The following PALM2AKAP2 variants were observed in gnomAD, a reference collection of about 807,000 sequenced individuals.
The protein encoded by PALM2AKAP2 is PALM2 and AKAP2 fusion.
In PALM2AKAP2, 37 loss-of-function variants were observed where a neutral mutation model predicts 71.5. The observed-to-expected ratio is 0.52, with a 90% CI of 0.40 to 0.68. The LOEUF (loss-of-function observed/expected upper bound fraction) is 0.68, where lower values mean the gene tolerates loss of function less well. PALM2AKAP2 is among the 30% of genes least tolerant of loss of function. The pLI is 0.00. For synonymous variants in PALM2AKAP2, 468 were observed against 478.8 expected, an observed-to-expected ratio of 0.98 and a Z score of 0.29; for missense variants, 1,224 against 1,191.8, an observed-to-expected ratio of 1.03 and a Z score of -0.40.
intron 7 of PALM2AKAP2, among the ~76,000 whole-genome samples, chr9:110,026,554 A>G (rs753139801): frequency 1.3e-5 from 2 of 152,120 alleles, no homozygotes; most frequent in Non-Finnish European, 2.9e-5. Context: ...TTCTGTAACC[A>G]TCATCGTCAT....
chr9:109,968,556 G>C lies in PALM2AKAP2; in HGVS notation c.496+36528G>C, dbSNP rs556112037. ...GTCCCTGTCTCTGGCCACTCTGTTGGGTTTCATTGCACCCTACAAAGGGAG... is the reference window on the plus strand; with the variant it reads ...GTCCCTGTCTCTGGCCACTCTGTTGCGTTTCATTGCACCCTACAAAGGGAG... On this transcript the variant is annotated intron_variant, in intron 6 of 9. Coordinates refer to the PALM2AKAP2 transcript ENST00000302798. Among the ~76,000 whole-genome samples, 5 of 152,202 alleles carry C rather than the reference G, an allele frequency of 3.3e-5. No homozygotes were observed. The East Asian group carries it at 9.7e-4, about 29-fold the overall frequency.
At chr9:110,164,249 A>G (rs527401495) in intron 3 of PALM2AKAP2, among the ~76,000 whole-genome samples, 1 of 152,272 alleles carries the variant, frequency 6.6e-6, no homozygotes, top group East Asian at 1.9e-4. Context: ...AGTTGGGCCC[A>G]CTCTGTCTTC....
intron 6 of PALM2AKAP2, among the ~76,000 whole-genome samples, chr9:110,004,497 A>C (rs1588053958): frequency 6.6e-6 from 1 of 152,144 alleles, no homozygotes; most frequent in East Asian, 1.9e-4. Flanking sequence ...TGAATCTGAC[A>C]ATTATGTGTC....
chr9:110,104,665 G>T (rs1337525350), intron 1 of PALM2AKAP2, among the ~76,000 whole-genome samples: 1 of 152,188 alleles, frequency 6.6e-6, no homozygotes, highest in East Asian at 1.9e-4. Context: ...CACAGATGTG[G>T]AATGAAACCA....
chr9:110,006,158 A>G (rs902460743), intron 6 of PALM2AKAP2, among the ~76,000 whole-genome samples: 7 of 151,870 alleles, frequency 4.6e-5, no homozygotes, highest in Non-Finnish European at 8.8e-5. Flanking sequence ...CTATTCGGCC[A>G]TCTTGGCTCC....
At chr9:109,703,984 T>C (rs993122659) in intron 1 of PALM2AKAP2, among the ~76,000 whole-genome samples, 3 of 152,198 alleles carry the variant, frequency 2.0e-5, no homozygotes, top group African/African-American at 7.2e-5. Flanking sequence ...CAGTCCACAC[T>C]GGTCACTTTT....
At chr9:109,964,251 C>T (rs1831903648) in intron 6 of PALM2AKAP2, among the ~76,000 whole-genome samples, 1 of 152,258 alleles carries the variant, frequency 6.6e-6, no homozygotes, top group Non-Finnish European at 1.5e-5. Context: ...AGCTGTGTCT[C>T]TCATGGACAT....
At chr9:109,825,276 A>G (rs941139830) in intron 1 of PALM2AKAP2, among the ~76,000 whole-genome samples, 1 of 152,246 alleles carries the variant, frequency 6.6e-6, no homozygotes, top group African/African-American at 2.4e-5. Context: ...AAACCTAGGC[A>G]ATATCTCATT....
intron 1 of PALM2AKAP2, among the ~76,000 whole-genome samples, chr9:109,850,915 C>A (rs932795072): frequency 6.6e-6 from 1 of 152,134 alleles, no homozygotes; most frequent in Admixed American, 6.5e-5. Flanking sequence ...TGGTGGCTCA[C>A]ACCTGTAATC....
chr9:110,089,300 T>C (rs1834652039), intron 1 of PALM2AKAP2, among the ~76,000 whole-genome samples: 1 of 152,204 alleles, frequency 6.6e-6, no homozygotes, highest in African/African-American at 2.4e-5. Flanking sequence ...TTATGTCTGA[T>C]AGAATGTTTT....
At chr9:109,898,156 GA>G (rs1183767547) in intron 3 of PALM2AKAP2, among the ~76,000 whole-genome samples, 3 of 151,884 alleles carry the variant, frequency 2.0e-5, no homozygotes, top group East Asian at 1.9e-4. Context: ...TGTCGTTTAA[GA>G]AAAAAAAGAA....
At chr9:110,021,498 T>C (rs1451732983) in intron 7 of PALM2AKAP2, among the ~76,000 whole-genome samples, 1 of 152,222 alleles carries the variant, frequency 6.6e-6, no homozygotes, top group African/African-American at 2.4e-5. Flanking sequence ...ATCACACCTA[T>C]GCTTCTTGAG....
intron 6 of PALM2AKAP2, among the ~76,000 whole-genome samples, chr9:110,003,883 T>C (rs1353919772): frequency 6.6e-6 from 1 of 152,218 alleles, no homozygotes. Context: ...ATTTCCTTGG[T>C]AGATCTTCCC....
chr9:109,681,478 C>A (rs1420560236), intron 1 of PALM2AKAP2, among the ~76,000 whole-genome samples: 2 of 152,138 alleles, frequency 1.3e-5, no homozygotes, highest in Non-Finnish European at 2.9e-5. Flanking sequence ...AGCACAATGT[C>A]ACAGTGGGGT....
intron 6 of PALM2AKAP2, among the ~76,000 whole-genome samples, chr9:109,972,230 G>T (rs1832081949): frequency 6.6e-6 from 1 of 152,154 alleles, no homozygotes; most frequent in Non-Finnish European, 1.5e-5. Flanking sequence ...GCATAAGTCA[G>T]CAGGCTTCAC....
At chr9:109,829,469 T>C (rs1156813054) in intron 1 of PALM2AKAP2, among the ~76,000 whole-genome samples, 3 of 152,174 alleles carry the variant, frequency 2.0e-5, no homozygotes, top group Non-Finnish European at 4.4e-5. Flanking sequence ...AGTAGTTGCT[T>C]GTGGTGAATG....
At chr9:109,712,544 T>A (rs1457997529) in intron 1 of PALM2AKAP2, among the ~76,000 whole-genome samples, 1 of 152,230 alleles carries the variant, frequency 6.6e-6, no homozygotes, top group Non-Finnish European at 1.5e-5. Context: ...CTGTCTTTCA[T>A]GTGGTGCCCT....
intron 7 of PALM2AKAP2, among the ~76,000 whole-genome samples, chr9:110,032,783 A>G (rs1207712366): frequency 6.6e-6 from 1 of 151,612 alleles, no homozygotes; most frequent in Admixed American, 6.6e-5. Flanking sequence ...AAATAAAAAA[A>G]CAAACAAACT....
At chr9:109,922,586 G>C (rs1305282793) in intron 3 of PALM2AKAP2, among the ~76,000 whole-genome samples, 1 of 152,080 alleles carries the variant, frequency 6.6e-6, no homozygotes, top group Non-Finnish European at 1.5e-5. Flanking sequence ...TTGAATGAAT[G>C]AACCAATGAA....
Sources: allele counts gnomAD v4.1 joint callset (sites outside exome capture counted in the v4.1 genomes callset), GRCh38; gene constraint gnomAD v4.1.1; transcripts MANE v1.5; gene names NCBI Gene and HGNC (gene_info 2026-07-23, HGNC 2026-07-21).